The following DNMBP variants were observed in gnomAD, a reference collection of about 807,000 sequenced individuals.
The protein encoded by DNMBP is dynamin binding protein.
A neutral mutation model predicts 150.0 loss-of-function variants in DNMBP; 87 were observed. That is an observed-to-expected ratio of 0.58 (90% CI 0.49 to 0.69). The LOEUF (loss-of-function observed/expected upper bound fraction) is 0.69. DNMBP is among the 30% of genes least tolerant of loss of function. The pLI, the probability that DNMBP is intolerant of heterozygous loss-of-function variation, is 0.00. For missense variants in DNMBP, 1,774 were observed against 1,949.0 expected (o/e 0.91, Z 1.69); for synonymous variants, 711 against 750.4 (o/e 0.95, Z 0.86).
chr10:99,940,582 C>T (rs976971621), intron 4 of DNMBP, among the ~76,000 whole-genome samples: 3 of 152,168 alleles, frequency 2.0e-5, no homozygotes, highest in Non-Finnish European at 4.4e-5. Context: ...AACTTATGAA[C>T]GCGTACTAAT....
At chr10:99,911,981 G>A (rs945420833) in intron 4 of DNMBP, among the ~76,000 whole-genome samples, 1 of 152,194 alleles carries the variant, frequency 6.6e-6, no homozygotes, top group South Asian at 2.1e-4. Context: ...AAGCTCTGGA[G>A]AGGGAGAACA....
At chr10:99,877,675 C>T (rs1283723969) in intron 16 of DNMBP, among the ~76,000 whole-genome samples, 1 of 152,082 alleles carries the variant, frequency 6.6e-6, no homozygotes, top group Non-Finnish European at 1.5e-5. Flanking sequence ...ACCAGCCTGG[C>T]CAACATGGTG....
At chr10:99,962,060 C>T (rs1386249469) in intron 3 of DNMBP, among the ~76,000 whole-genome samples, 2 of 151,494 alleles carry the variant, frequency 1.3e-5, no homozygotes, top group Non-Finnish European at 2.9e-5. Context: ...GAAACCTAGG[C>T]TTGCTTCTCT....
chr10:99,960,146 T>C lies in DNMBP; in HGVS notation c.269-2941A>G, dbSNP rs7099338. ...AAAGGATAAGAGCACAGTATATGTT[T>C]CTGGAAAAATGAAATTAAAATTCAG... On this transcript the variant is annotated intron_variant, in intron 3 of 16. Coordinates refer to ENST00000324109, the MANE Select transcript of DNMBP (RefSeq NM_015221.4). 8.5e-3 allele frequency among the ~76,000 whole-genome samples: 1,287 copies of C among 152,302 alleles called. 18 individuals are homozygous for C. The highest frequency in any genetic ancestry group is 0.044 in the Middle Eastern group (13 of 294).
chr10:99,979,887 C>T (rs974049972), intron 1 of DNMBP, among the ~76,000 whole-genome samples: 7 of 152,248 alleles, frequency 4.6e-5, no homozygotes, highest in Middle Eastern at 3.4e-3. Flanking sequence ...AGGCACTGTC[C>T]GCTCAGAACT....
intron 4 of DNMBP, among the ~76,000 whole-genome samples, chr10:99,948,425 T>A (rs1299386993): frequency 1.3e-5 from 2 of 152,338 alleles, no homozygotes; most frequent in East Asian, 3.9e-4. Flanking sequence ...TTTGGAAACA[T>A]TAGTTGACTA....
intron 3 of DNMBP, among the ~76,000 whole-genome samples, 181 bp downstream of exon 3, chr10:99,968,934 A>G (rs2040647412): frequency 6.6e-6 from 1 of 152,120 alleles, no homozygotes; most frequent in African/African-American, 2.4e-5. Flanking sequence ...GTGAGAAAAT[A>G]CCTTGGAAAT....
At chr10:99,992,330 C>T (rs2040903613) in intron 1 of DNMBP, among the ~76,000 whole-genome samples, 1 of 152,066 alleles carries the variant, frequency 6.6e-6, no homozygotes, top group African/African-American at 2.4e-5. Context: ...TCCCTTATTA[C>T]AGCAATTACT....
chr10:99,984,075 C>T (rs539746202), intron 1 of DNMBP, among the ~76,000 whole-genome samples: 6 of 152,282 alleles, frequency 3.9e-5, no homozygotes, highest in Admixed American at 1.3e-4. Flanking sequence ...ACAGCGTCTA[C>T]GCCACCCATA....
chr10:99,902,454 C>G (rs1030410239), intron 6 of DNMBP, among the ~76,000 whole-genome samples: 2 of 150,436 alleles, frequency 1.3e-5, no homozygotes, highest in African/African-American at 4.9e-5. Flanking sequence ...GGATCACAGG[C>G]ATGCGCCACC....
rs757879285 is a variant in DNMBP at position 99,908,986 on chromosome 10, A to G, written c.2421T>C (p.Ile807=). Residue 807 remains isoleucine, a synonymous_variant, in exon 5 of 17, where the codon ATT becomes ATC. Transcript: ENST00000324109. ...GCTGCATGGGTACCATGATCCGCTC[A>G]ATACACATTTCCAGATCCCGAATGT... The part of the protein sequence containing the change: ...RDYIRDLEMC[I]ERIMVPMQQA... 2.5e-6 allele frequency: 4 copies of G among 1,614,182 alleles called. No individual in the cohort carries two copies. The Admixed American group carries it at 6.7e-5, about 27-fold the overall frequency.
chr10:99,948,385 T>C (rs1194624817), intron 4 of DNMBP, among the ~76,000 whole-genome samples: 1 of 152,220 alleles, frequency 6.6e-6, no homozygotes, highest in African/African-American at 2.4e-5. Flanking sequence ...TTCTTACTCC[T>C]GAATCTCAAA....
At chr10:99,982,587 A>G (rs1198885030) in intron 1 of DNMBP, among the ~76,000 whole-genome samples, 4 of 152,140 alleles carry the variant, frequency 2.6e-5, no homozygotes, top group Admixed American at 2.6e-4. Context: ...TGAAGGTTTA[A>G]AAAAAATTTA....
At position 99,898,574 on chromosome 10, in the gene DNMBP, C is replaced by G. The variant is rs201349762; in HGVS notation, c.2720+169G>C. On this transcript the variant is annotated intron_variant, in intron 8 of 16. Coordinates refer to ENST00000324109, the MANE Select transcript of DNMBP (RefSeq NM_015221.4). ...CTGGTAGGAGAAGATAGGCAATAAACAGATAAGTAAAGTGTTCCCTTGGGG... is the reference window on the plus strand; with the variant it reads ...CTGGTAGGAGAAGATAGGCAATAAAGAGATAAGTAAAGTGTTCCCTTGGGG... 2.0e-5 allele frequency among the ~76,000 whole-genome samples: 3 copies of G among 152,126 alleles called. No homozygotes were observed. In the East Asian group the frequency reaches 5.8e-4, roughly 29 times the overall value.
intron 4 of DNMBP, among the ~76,000 whole-genome samples, chr10:99,935,659 G>T (rs1464789454): frequency 6.6e-6 from 1 of 152,116 alleles, no homozygotes. Context: ...CTGCCTCCCA[G>T]GTTCAAGCCA....
chr10:99,883,668 A>AATT (rs2039405371), intron 15 of DNMBP, among the ~76,000 whole-genome samples: 1 of 145,584 alleles, frequency 6.9e-6, no homozygotes. Flanking sequence ...AAAAAAAAAA[A>AATT]TTTGAAAAGA....
At chr10:99,988,019 C>G (rs558860131) in intron 1 of DNMBP, among the ~76,000 whole-genome samples, 1 of 152,062 alleles carries the variant, frequency 6.6e-6, no homozygotes, top group East Asian at 1.9e-4. Flanking sequence ...TGCTCAGAGG[C>G]AGGCGGGGGA....
At chr10:99,933,800 G>C (rs755611178) in intron 4 of DNMBP, among the ~76,000 whole-genome samples, 1 of 152,120 alleles carries the variant, frequency 6.6e-6, no homozygotes, top group East Asian at 1.9e-4. Context: ...GCAGTGGCGC[G>C]ATCTTGGCTC....
intron 1 of DNMBP, among the ~76,000 whole-genome samples, chr10:99,981,046 C>T (rs554343169): frequency 6.6e-6 from 1 of 152,184 alleles, no homozygotes; most frequent in Non-Finnish European, 1.5e-5. Context: ...ATGTGAATTA[C>T]TTAATGCCAC....
Sources: allele counts gnomAD v4.1 joint callset (sites outside exome capture counted in the v4.1 genomes callset), GRCh38; gene constraint gnomAD v4.1.1; transcripts MANE v1.5; gene names NCBI Gene and HGNC (gene_info 2026-07-23, HGNC 2026-07-21).